Variants in CTNND2 observed in about 807,000 individuals in gnomAD.
CTNND2 encodes catenin delta-2.
In CTNND2, 22 loss-of-function variants were observed where a neutral mutation model predicts 144.4. The observed-to-expected ratio is 0.15, with a 90% CI of 0.11 to 0.22. The LOEUF (loss-of-function observed/expected upper bound fraction) is 0.22, where lower values mean the gene tolerates loss of function less well. Ranked by LOEUF, CTNND2 falls within the 10% of genes least tolerant of loss-of-function variation. The pLI is 1.00. For synonymous variants in CTNND2, 751 were observed against 695.6 expected, an observed-to-expected ratio of 1.08 and a Z score of -1.25; for missense variants, 1,353 against 1,618.8, an observed-to-expected ratio of 0.84 and a Z score of 2.82.
intron 15 of CTNND2, 142 bp downstream of exon 15, chr5:11,098,433 A>C: frequency 1.4e-6 from 1 of 713,290 alleles, no homozygotes; most frequent in Non-Finnish European, 2.2e-6. Context: ...TTTCCAAGTA[A>C]AACAGTTCAA....
chr5:11,805,225 CTG>C (rs1229152430), intron 1 of CTNND2, among the ~76,000 whole-genome samples: 12 of 152,114 alleles, frequency 7.9e-5, no homozygotes, highest in Admixed American at 2.6e-4. Context: ...GGACACATCA[CTG>C]TGAACTGATA....
chr5:11,705,367 G>T (rs1277583127), intron 2 of CTNND2, among the ~76,000 whole-genome samples: 1 of 152,188 alleles, frequency 6.6e-6, no homozygotes, highest in Non-Finnish European at 1.5e-5. Flanking sequence ...ATTAGAAAGA[G>T]AAAAAGCTAA....
rs71595823 is a variant in CTNND2 at position 11,541,838 on chromosome 5, A to ACC, written c.287+23104_287+23105dup. ...TTTGTCAACTTATTATTTATTATCG[A>ACC]CCCCCCCCCCCCGGCCAAAAGCCTT... On this transcript the variant is annotated intron_variant, in intron 3 of 21. Transcript: ENST00000304623. Among the ~76,000 whole-genome samples, 67 of 75,132 alleles carry ACC rather than the reference A, an allele frequency of 8.9e-4. 1 individual carries two copies. Among genetic ancestry groups the ACC allele is most frequent in the African/African-American group, 2.3e-3 (40 of 17,292 alleles). 49.3% of individuals were successfully genotyped at this position (75,132 alleles called of 152,430 possible). A position where few individuals can be genotyped will look rare whatever the true frequency, so the allele number is the denominator to read the frequency against.
chr5:10,992,663 T>C lies in CTNND2; in HGVS notation c.3099A>G (p.Gln1033=). ...RSLYKKDGWS[Q]YHFVASSSTI... The stretch of plus-strand genomic sequence containing the variant: ...TTGAAGACGAGGCTACAAAGTGGTA[T>C]TGTGACCATCCATCCTGCAAAACAC... Residue 1033 remains glutamine, a synonymous_variant, in exon 19 of 22, where the codon CAA becomes CAG. Transcript: ENST00000304623. 6.2e-7 allele frequency: 1 copy of C among 1,614,094 alleles called. No homozygotes were observed. Among genetic ancestry groups the C allele is most frequent in the East Asian group, 2.2e-5 (1 of 44,880 alleles).
At chr5:11,692,363 T>C (rs1455935369) in intron 2 of CTNND2, among the ~76,000 whole-genome samples, 4 of 152,192 alleles carry the variant, frequency 2.6e-5, no homozygotes, top group Non-Finnish European at 4.4e-5. Context: ...ATTGGTAAAC[T>C]ATAGCTTGTG....
At chr5:11,629,077 C>G (rs553012912) in intron 2 of CTNND2, among the ~76,000 whole-genome samples, 1 of 152,100 alleles carries the variant, frequency 6.6e-6, no homozygotes, top group African/African-American at 2.4e-5. Flanking sequence ...ACTGCAAGTT[C>G]CTTTCCTACT....
At chr5:11,241,201 G>A (rs1500156) in intron 9 of CTNND2, among the ~76,000 whole-genome samples, 9,150 of 152,196 alleles carry the variant, frequency 0.06, 386 homozygotes, top group Admixed American at 0.11. Context: ...TCTCCATGCT[G>A]CTAACCTGAG....
chr5:11,820,506 T>G (rs1008086901), intron 1 of CTNND2, among the ~76,000 whole-genome samples: 23 of 152,212 alleles, frequency 1.5e-4, no homozygotes, highest in Admixed American at 1.2e-3. Flanking sequence ...CAGAGTTAAC[T>G]CTATGGTGAA....
intron 16 of CTNND2, among the ~76,000 whole-genome samples, chr5:11,035,924 C>G (rs1744020792): frequency 6.6e-6 from 1 of 150,732 alleles, no homozygotes. Flanking sequence ...AGTTTACTTA[C>G]AAGATAGAGA....
intron 10 of CTNND2, among the ~76,000 whole-genome samples, chr5:11,218,366 T>C (rs1739435212): frequency 2.0e-5 from 3 of 152,154 alleles, no homozygotes; most frequent in African/African-American, 7.2e-5. Context: ...AGTCTTCTCA[T>C]TTGTAAGCCC....
intron 2 of CTNND2, among the ~76,000 whole-genome samples, chr5:11,583,615 C>T (rs944467628): frequency 2.0e-5 from 3 of 151,860 alleles, no homozygotes; most frequent in African/African-American, 4.8e-5. Context: ...AAGTTTAATG[C>T]GATATTATGG....
At chr5:11,246,510 G>A (rs890372921) in intron 9 of CTNND2, among the ~76,000 whole-genome samples, 23 of 152,136 alleles carry the variant, frequency 1.5e-4, no homozygotes, top group African/African-American at 4.8e-4. Context: ...CACCAGAAGC[G>A]AGAAGAGGGG....
At chr5:11,493,434 C>T (rs370021041) in intron 3 of CTNND2, among the ~76,000 whole-genome samples, 23 of 152,300 alleles carry the variant, frequency 1.5e-4, no homozygotes, top group Middle Eastern at 3.4e-3. Context: ...TCAAAGCAGA[C>T]GTGAAAATCA....
intron 1 of CTNND2, among the ~76,000 whole-genome samples, chr5:11,741,960 A>G (rs1788041247): frequency 6.6e-6 from 1 of 151,862 alleles, no homozygotes. Context: ...ATGGAAAACC[A>G]AACATCATAT....
At chr5:11,073,086 A>C (rs906667793) in intron 16 of CTNND2, among the ~76,000 whole-genome samples, 3 of 152,278 alleles carry the variant, frequency 2.0e-5, no homozygotes, top group Admixed American at 1.3e-4. Context: ...TGGTTTAAAA[A>C]GAATTCATCT....
At chr5:11,710,408 C>T (rs757497946) in intron 2 of CTNND2, among the ~76,000 whole-genome samples, 6 of 151,966 alleles carry the variant, frequency 3.9e-5, no homozygotes, top group South Asian at 2.1e-4. Context: ...GGCATGGTGG[C>T]GTGCGCCTGT....
intron 8 of CTNND2, among the ~76,000 whole-genome samples, chr5:11,348,222 T>C (rs1046225230): frequency 6.6e-6 from 1 of 152,186 alleles, no homozygotes; most frequent in African/African-American, 2.4e-5. Flanking sequence ...TATGTCCTTA[T>C]GCAAGTCCTT....
chr5:11,888,189 T>C (rs1736693896), intron 1 of CTNND2, among the ~76,000 whole-genome samples: 1 of 152,196 alleles, frequency 6.6e-6, no homozygotes, highest in South Asian at 2.1e-4. Flanking sequence ...TTGTTGAAAC[T>C]TAGAAAATGG....
At chr5:11,887,802 T>C (rs1736666669) in intron 1 of CTNND2, among the ~76,000 whole-genome samples, 1 of 152,198 alleles carries the variant, frequency 6.6e-6, no homozygotes, top group African/African-American at 2.4e-5. Flanking sequence ...ACTTTCCTTG[T>C]TTTTGATGCC....
Sources: allele counts gnomAD v4.1 joint callset (sites outside exome capture counted in the v4.1 genomes callset), GRCh38; gene constraint gnomAD v4.1.1; transcripts MANE v1.5; gene names NCBI Gene and HGNC (gene_info 2026-07-23, HGNC 2026-07-21).